Variants in SYT1 observed in about 807,000 individuals in gnomAD.
SYT1 encodes synaptotagmin-1.
A neutral mutation model predicts 44.8 loss-of-function variants in SYT1; 8 were observed. That is an observed-to-expected ratio of 0.18 (90% CI 0.10 to 0.32). The LOEUF is 0.32. Among genes scored for constraint, SYT1 ranks in the 10% least tolerant of loss-of-function variants. The probability of loss-of-function intolerance (pLI) is 1.00; values close to 1 mark genes in which losing one functional copy is unlikely to be tolerated. For synonymous variants in SYT1, 154 were observed against 188.8 expected (o/e 0.82, Z 1.51); for missense variants, 286 against 509.3 (o/e 0.56, Z 4.22).
At chr12:78,929,023 C>G (rs1173750208) in intron 1 of SYT1, among the ~76,000 whole-genome samples, 1 of 151,318 alleles carries the variant, frequency 6.6e-6, no homozygotes, top group Non-Finnish European at 1.5e-5. Flanking sequence ...AGATTGTTAA[C>G]TAAAAAAAAG....
intron 3 of SYT1, among the ~76,000 whole-genome samples, chr12:79,182,825 T>C (rs1207716034): frequency 6.6e-6 from 1 of 152,094 alleles, no homozygotes; most frequent in Non-Finnish European, 1.5e-5. Context: ...AAATCAGTTC[T>C]GTTACTTCTG....
intron 4 of SYT1, among the ~76,000 whole-genome samples, chr12:79,277,971 T>A (rs1050958870): frequency 3.3e-5 from 5 of 151,798 alleles, no homozygotes; most frequent in African/African-American, 4.8e-5. Flanking sequence ...ATAACAATCA[T>A]AAATATATAC....
intron 2 of SYT1, among the ~76,000 whole-genome samples, chr12:79,045,283 C>T (rs1350348137): frequency 1.3e-5 from 2 of 152,208 alleles, no homozygotes; most frequent in African/African-American, 2.4e-5. Flanking sequence ...ACTACGTGGG[C>T]GTAGGACCCG....
chr12:79,051,877 A>G (rs1350956823), intron 3 of SYT1, among the ~76,000 whole-genome samples: 3 of 151,882 alleles, frequency 2.0e-5, no homozygotes, highest in Non-Finnish European at 1.5e-5. Context: ...GTTCTGTTCC[A>G]TTGGTCTATA....
chr12:79,044,893 G>C (rs957664065), intron 2 of SYT1, among the ~76,000 whole-genome samples: 1 of 152,208 alleles, frequency 6.6e-6, no homozygotes, highest in African/African-American at 2.4e-5. Flanking sequence ...TGCCGTGTGA[G>C]GTGTCAGTGT....
At chr12:79,358,049 G>T (rs1433538378) in intron 9 of SYT1, among the ~76,000 whole-genome samples, 1 of 152,102 alleles carries the variant, frequency 6.6e-6, no homozygotes, top group Non-Finnish European at 1.5e-5. Context: ...GTTGCTACTT[G>T]TCCCTATTTG....
At chr12:79,031,344 T>C (rs1872818560) in intron 2 of SYT1, among the ~76,000 whole-genome samples, 1 of 151,116 alleles carries the variant, frequency 6.6e-6, no homozygotes, top group Non-Finnish European at 1.5e-5. Flanking sequence ...ATTATAAAAT[T>C]TGAGGTTGTA....
At chr12:79,405,364 A>G (rs1377764130) in intron 9 of SYT1, among the ~76,000 whole-genome samples, 3 of 152,164 alleles carry the variant, frequency 2.0e-5, no homozygotes, top group African/African-American at 7.2e-5. Context: ...AGATTTTTCA[A>G]TGAATGCCTT....
rs182867427 is a variant in SYT1, at chr12:78,983,283, G to A, written c.-84+5352G>A. On this transcript the variant is annotated intron_variant, in intron 2 of 10. Transcript: ENST00000261205. ...ATGAATTGCCGGAGAAATTTGATCCGTATAGCCAGATGTAAGTAATACCAG... is the reference window on the plus strand; with the variant it reads ...ATGAATTGCCGGAGAAATTTGATCCATATAGCCAGATGTAAGTAATACCAG... Among the ~76,000 whole-genome samples, 23 of 152,008 alleles carry A rather than the reference G, an allele frequency of 1.5e-4. No individual in the cohort carries two copies. In the South Asian group the frequency reaches 3.1e-3, roughly 21 times the overall value.
rs549539446 is a variant in SYT1 at position 79,366,547 on chromosome 12, C to CTCCTTGGCCTGCAA, written c.928+12938_928+12939insGCAATCCTTGGCCT. The stretch of plus-strand genomic sequence containing the variant: ...TGAAAATGCCAGCATTTGTCCCTGC[C>CTCCTTGGCCTGCAA]TCCTTGGCCTCCAGTGGAGTTGCAA... On this transcript the variant is annotated intron_variant, in intron 9 of 10. Coordinates refer to ENST00000261205, the MANE Select transcript of SYT1 (RefSeq NM_005639.3). 1.2e-4 allele frequency among the ~76,000 whole-genome samples: 18 copies of CTCCTTGGCCTGCAA among 152,346 alleles called. No homozygotes were observed. In the South Asian group the frequency reaches 3.7e-3, roughly 32 times the overall value.
intron 1 of SYT1, among the ~76,000 whole-genome samples, chr12:78,903,502 G>C (rs2137104586): frequency 6.6e-6 from 1 of 151,960 alleles, no homozygotes; most frequent in African/African-American, 2.4e-5. Context: ...GGTCAGGCTG[G>C]CCTCGAACTA....
At chr12:79,134,627 T>C (rs1004958216) in intron 3 of SYT1, among the ~76,000 whole-genome samples, 2 of 152,214 alleles carry the variant, frequency 1.3e-5, no homozygotes, top group African/African-American at 4.8e-5. Context: ...TATTTATGTC[T>C]GTCTCATCCC....
intron 3 of SYT1, among the ~76,000 whole-genome samples, chr12:79,076,706 C>T (rs376393273): frequency 1.2e-4 from 18 of 152,070 alleles, no homozygotes; most frequent in East Asian, 9.7e-4. Context: ...TTTGGGAGGC[C>T]GAGGCAGGCA....
chr12:78,902,731 G>T (rs1875733173), intron 1 of SYT1, among the ~76,000 whole-genome samples: 1 of 151,726 alleles, frequency 6.6e-6, no homozygotes, highest in Admixed American at 6.6e-5. Flanking sequence ...CATTGATGTG[G>T]GTGCACACAC....
chr12:79,285,695 TG>T (rs1879274538), intron 4 of SYT1, 91 bp from the exon 5 acceptor site: 3 of 993,590 alleles, frequency 3.0e-6, no homozygotes, highest in African/African-American at 3.3e-5. Context: ...AAAATGCAAA[TG>T]AAAAAAATGA....
At chr12:79,426,731 A>AT (rs771942277) in intron 9 of SYT1, among the ~76,000 whole-genome samples, 7 of 152,232 alleles carry the variant, frequency 4.6e-5, no homozygotes, top group Non-Finnish European at 8.8e-5. Context: ...TTCTAATAAC[A>AT]TTTTTTAAAA....
At chr12:78,939,135 A>T (rs140950743) in intron 1 of SYT1, among the ~76,000 whole-genome samples, 1 of 152,270 alleles carries the variant, frequency 6.6e-6, no homozygotes, top group East Asian at 1.9e-4. Context: ...GTAGTTTTTA[A>T]AAAAAATAAA....
chr12:79,258,748 G>A (rs1565879497), intron 4 of SYT1, among the ~76,000 whole-genome samples: 1 of 152,166 alleles, frequency 6.6e-6, no homozygotes, highest in Non-Finnish European at 1.5e-5. Context: ...TGCAATCAAA[G>A]GTAGTCATAT....
At chr12:78,882,866 T>C (rs992221038) in intron 1 of SYT1, among the ~76,000 whole-genome samples, 15 of 151,782 alleles carry the variant, frequency 9.9e-5, no homozygotes, top group African/African-American at 3.1e-4. Context: ...AATCATGGCA[T>C]CATAGATTTT....
Sources: allele counts gnomAD v4.1 joint callset (sites outside exome capture counted in the v4.1 genomes callset), GRCh38; gene constraint gnomAD v4.1.1; transcripts MANE v1.5; gene names NCBI Gene and HGNC (gene_info 2026-07-23, HGNC 2026-07-21).